The following CAMK1 variants were observed in gnomAD, a reference collection of about 807,000 sequenced individuals.
The protein encoded by CAMK1 is calcium/calmodulin dependent protein kinase I.
A neutral mutation model predicts 49.1 loss-of-function variants in CAMK1; 39 were observed. The ratio of observed to expected loss-of-function variants is 0.79; its 90% CI spans 0.62 to 1.04. CAMK1 has a LOEUF of 1.04. CAMK1 is among the 50% of genes least tolerant of loss of function. The pLI, the probability that CAMK1 is intolerant of heterozygous loss-of-function variation, is 0.00. For synonymous variants in CAMK1, 192 were observed against 185.2 expected (o/e 1.04, Z -0.30); for missense variants, 457 against 472.2 (o/e 0.97, Z 0.30).
At chr3:9,763,112 G>T in intron 4 of CAMK1, 27 bp downstream of exon 4, 1 of 1,614,150 alleles carries the variant, frequency 6.2e-7, no homozygotes, top group Non-Finnish European at 8.5e-7. Flanking sequence ...AGAGGTGTGG[G>T]GGCAGGGCAG....
chr3:9,764,275 GAAAC>G (rs1164244101), intron 3 of CAMK1, among the ~76,000 whole-genome samples: 2 of 152,174 alleles, frequency 1.3e-5, no homozygotes, highest in Non-Finnish European at 2.9e-5. Flanking sequence ...ACTCATAAGT[GAAAC>G]AATAATGGTA....
chr3:9,757,587 G>A lies in CAMK1; in HGVS notation c.1065C>T (p.Cys355=), dbSNP rs750813466. The A allele has an allele frequency of 4.9e-5, 79 of 1,614,164 alleles. No individual in the cohort carries two copies. In the East Asian group the frequency reaches 1.3e-3, roughly 26 times the overall value. The change falls in exon 12 of 12, where the codon TGC becomes TGT. Residue 355 remains cysteine, a synonymous_variant. Coordinates refer to ENST00000256460, the MANE Select transcript of CAMK1 (RefSeq NM_003656.5). This position sits in a 1 kb window ranked among gnomAD's most constrained non-coding sequence, Gnocchi z 4.5. The part of the protein sequence containing the change: ...PAAGCCCRDC[C]VEPGTELSPT... ...GGGACAGTTCTGTGCCCGGCTCCAC[G>A]CAGCAGTCTCGACAGCAACAGCCAG...
At chr3:9,768,207 C>T (rs2078208176) in intron 1 of CAMK1, among the ~76,000 whole-genome samples, 1 of 152,212 alleles carries the variant, frequency 6.6e-6, no homozygotes, top group Non-Finnish European at 1.5e-5. Context: ...GTCTCCTTTC[C>T]CTCCTCCTTC....
At chr3:9,764,726 G>A (rs566785432) in intron 3 of CAMK1, among the ~76,000 whole-genome samples, 5 of 145,924 alleles carry the variant, frequency 3.4e-5, no homozygotes, top group South Asian at 2.2e-4. Flanking sequence ...TCCACCTCTC[G>A]GGTTTAAGCA....
In CAMK1 at chr3:9,757,814, G is replaced by A. The variant is rs1448970084; in HGVS notation, c.945C>T (p.His315=). The A allele has an allele frequency of 6.2e-7, 1 of 1,611,998 alleles. No homozygotes were observed. The highest frequency in any genetic ancestry group is 1.3e-5 in the African/African-American group (1 of 74,882). ...QAFNATAVVR[H]MRKLQLGTSQ... ...TGGTGCCCAGCTGCAGTTTCCTCAT[G>A]TGCCGCACCACAGCCGTGGCATTGA... is the stretch of plus-strand genomic sequence containing the variant. The change falls in exon 11 of 12, where the codon CAC becomes CAT. Residue 315 remains histidine, a synonymous_variant. Transcript: ENST00000256460. This position sits in a 1 kb window ranked among gnomAD's most constrained non-coding sequence, Gnocchi z 4.5.
intron 6 of CAMK1, 39 bp from the exon 7 acceptor site, chr3:9,761,575 C>T (rs376170684): frequency 6.8e-6 from 11 of 1,613,092 alleles, no homozygotes; most frequent in Non-Finnish European, 9.3e-6. Context: ...CAAATCTCTG[C>T]CCTTCAACTC....
At chr3:9,761,397 G>T in intron 7 of CAMK1, 64 bp downstream of exon 7, 1 of 1,525,302 alleles carries the variant, frequency 6.6e-7, no homozygotes, top group South Asian at 1.2e-5. Flanking sequence ...GAGGAAGGAA[G>T]AGAGGAAAGT....
chr3:9,768,534 G>T (rs1343393130), intron 1 of CAMK1, among the ~76,000 whole-genome samples: 3 of 152,216 alleles, frequency 2.0e-5, no homozygotes, highest in African/African-American at 7.2e-5. Flanking sequence ...GGGAGACTGA[G>T]GTTGGAGTTA....
chr3:9,761,977 G>A (rs1474105184), intron 5 of CAMK1: 12 of 568,276 alleles, frequency 2.1e-5, no homozygotes, highest in Middle Eastern at 4.9e-4. Flanking sequence ...CTAAACCTCA[G>A]GTGTGCACTG....
intron 3 of CAMK1, among the ~76,000 whole-genome samples, chr3:9,765,353 G>C (rs993440902): frequency 2.4e-4 from 36 of 152,156 alleles, no homozygotes; most frequent in African/African-American, 8.2e-4. Flanking sequence ...TCATAGACCA[G>C]TTGGTTGTGG....
At chr3:9,764,478 A>G (rs909286139) in intron 3 of CAMK1, among the ~76,000 whole-genome samples, 1 of 151,730 alleles carries the variant, frequency 6.6e-6, no homozygotes. Flanking sequence ...ATGTCCAGCT[A>G]ATTTTGTATT....
rs980217685 is a variant in CAMK1 at position 9,766,634 on chromosome 3, A to G, written c.84-744T>C. 6 of 1,051,988 alleles carry G rather than the reference A, an allele frequency of 5.7e-6. No homozygotes were observed. The African/African-American group carries it at 1.0e-4, about 18-fold the overall frequency. 65.2% of individuals were successfully genotyped at this position (1,051,988 alleles called of 1,614,324 possible). A position where few individuals can be genotyped will look rare whatever the true frequency, so the allele number is the denominator to read the frequency against. ...AACAGGTTCTTAAAAAGGAACAAAT[A>G]AACTCATTTAACTAAAGTTAACTGA... On this transcript the variant is annotated intron_variant, in intron 2 of 11. Coordinates refer to ENST00000256460, the MANE Select transcript of CAMK1 (RefSeq NM_003656.5).
intron 1 of CAMK1, among the ~76,000 whole-genome samples, chr3:9,769,252 C>T (rs529437741): frequency 6.6e-6 from 1 of 152,010 alleles, no homozygotes; most frequent in Admixed American, 6.6e-5. Flanking sequence ...CAGACACACA[C>T]ACACACACCC....
chr3:9,766,639 C>A, intron 2 of CAMK1: 1 of 1,051,764 alleles, frequency 9.5e-7, no homozygotes, highest in South Asian at 2.8e-5. Context: ...CAAATAAACT[C>A]ATTTAACTAA....
chr3:9,766,543 T>G, intron 2 of CAMK1: 2 of 542,990 alleles, frequency 3.7e-6, no homozygotes, highest in South Asian at 2.2e-5. Context: ...ACTAAATCAA[T>G]CTGCAGTTTA....
intron 3 of CAMK1, 62 bp downstream of exon 3, chr3:9,765,697 A>C: frequency 1.3e-6 from 2 of 1,570,052 alleles, no homozygotes; most frequent in South Asian, 2.2e-5. Context: ...GCAGGAAAGG[A>C]GGAGGATGGG....
chr3:9,765,496 C>A (rs1337319717), intron 3 of CAMK1, among the ~76,000 whole-genome samples: 1 of 152,144 alleles, frequency 6.6e-6, no homozygotes, highest in East Asian at 1.9e-4. Context: ...CAGGATGGAT[C>A]TTTACACCTG....
chr3:9,764,617 G>T (rs7430020), intron 3 of CAMK1, among the ~76,000 whole-genome samples: 6,730 of 92,758 alleles, frequency 0.073, 721 homozygotes, highest in East Asian at 0.26. Flanking sequence ...TGGCGTTTTT[G>T]TTTTTTTTTT....
At position 9,757,690 on chromosome 3, in the gene CAMK1, G is replaced by A. The variant is rs1481842442; in HGVS notation, c.1030+39C>T. On this transcript the variant is annotated intron_variant, in intron 11 of 11. Coordinates refer to ENST00000256460, the MANE Select transcript of CAMK1 (RefSeq NM_003656.5). The surrounding 1 kb of genome is among the most constrained non-coding windows in gnomAD (Gnocchi z 4.5). The stretch of plus-strand genomic sequence containing the variant: ...TCCACTCCAGCCCGGGTGCACCTTT[G>A]TGGACCACCCATGCCCTTCTGCAGA... The A allele has an allele frequency of 1.2e-6, 2 of 1,614,024 alleles. No individual in the cohort carries two copies. The highest frequency in any genetic ancestry group is 1.7e-5 in the Admixed American group (1 of 60,022).
Sources: allele counts gnomAD v4.1 joint callset (sites outside exome capture counted in the v4.1 genomes callset), GRCh38; gene constraint gnomAD v4.1.1; non-coding constraint Gnocchi (gnomAD v3.1); transcripts MANE v1.5; gene names NCBI Gene and HGNC (gene_info 2026-07-23, HGNC 2026-07-21).